Variants in DGKB observed in about 807,000 individuals in gnomAD.
DGKB encodes the protein 90 kDa diacylglycerol kinase.
DGKB carries 67 observed loss-of-function variants against 114.3 expected under a neutral mutation model. The observed-to-expected ratio is 0.59, with a 90% CI of 0.48 to 0.72. The LOEUF is 0.72. Among genes scored for constraint, DGKB ranks in the 30% least tolerant of loss-of-function variants. The pLI, the probability that DGKB is intolerant of heterozygous loss-of-function variation, is 0.00. For missense variants in DGKB, 907 were observed against 975.2 expected (o/e 0.93, Z 0.93); for synonymous variants, 398 against 323.1 (o/e 1.23, Z -2.49).
rs1043356915 is a variant in DGKB at position 14,788,490 on chromosome 7, C to A, written c.71-30759G>T. 1.3e-5 allele frequency among the ~76,000 whole-genome samples: 2 copies of A among 152,114 alleles called. 1 individual carries two copies. The highest frequency in any genetic ancestry group is 2.9e-5 in the Non-Finnish European group (2 of 68,018). ...GTGAGCATTCCTATCAAACACAAAC[C>A]AATGAATCCAGTCTACACTCCAACA... On this transcript the variant is annotated intron_variant, in intron 2 of 25. Coordinates refer to ENST00000402815, the MANE Select transcript of DGKB (RefSeq NM_001350709.2).
In DGKB at chr7:14,890,906, T is replaced by C. The variant is rs190128602; in HGVS notation, c.-188+11686A>G. Reference sequence around the variant, plus strand: ...AAAAATCCCTAAATCTAACTTACGCTTCTGAAATTGATTAAAGAAAGCTCC... The same window carrying C: ...AAAAATCCCTAAATCTAACTTACGCCTCTGAAATTGATTAAAGAAAGCTCC... On this transcript the variant is annotated intron_variant, in intron 1 of 25. Transcript: ENST00000402815. Among the ~76,000 whole-genome samples the C allele has an allele frequency of 4.4e-3, 670 of 151,246 alleles. 3 individuals are homozygous for C. Among genetic ancestry groups the C allele is most frequent in the Admixed American group, 7.3e-3 (111 of 15,114 alleles).
At chr7:14,867,218 T>C (rs1851823455) in intron 1 of DGKB, among the ~76,000 whole-genome samples, 2 of 152,186 alleles carry the variant, frequency 1.3e-5, no homozygotes, top group Admixed American at 1.3e-4. Flanking sequence ...CAGAAGTTTT[T>C]CTTATAATTT....
intron 25 of DGKB, among the ~76,000 whole-genome samples, chr7:14,169,238 G>A (rs1257718892): frequency 4.0e-5 from 6 of 151,408 alleles, no homozygotes; most frequent in African/African-American, 9.7e-5. Flanking sequence ...GGTGGCGGGC[G>A]CCTGTAGTCC....
chr7:14,290,711 C>A (rs1385259552), intron 23 of DGKB, among the ~76,000 whole-genome samples: 1 of 152,104 alleles, frequency 6.6e-6, no homozygotes, highest in Admixed American at 6.6e-5. Context: ...TGAATGTCAA[C>A]AGGTCATACA....
chr7:14,504,697 T>C (rs1165093223), intron 20 of DGKB, among the ~76,000 whole-genome samples: 2 of 152,210 alleles, frequency 1.3e-5, no homozygotes, highest in Admixed American at 1.3e-4. Flanking sequence ...AATCAGAAAG[T>C]ACTATTTTTC....
chr7:14,600,217 C>G (rs974959096), intron 17 of DGKB, among the ~76,000 whole-genome samples: 1 of 152,094 alleles, frequency 6.6e-6, no homozygotes, highest in Non-Finnish European at 1.5e-5. Context: ...AGCTAGTTCC[C>G]TTGAGCCATT....
At chr7:14,683,319 A>G (rs1370301421) in intron 10 of DGKB, among the ~76,000 whole-genome samples, 1 of 152,152 alleles carries the variant, frequency 6.6e-6, no homozygotes, top group Non-Finnish European at 1.5e-5. Context: ...CTATTTCCAG[A>G]GAAGAGATTT....
intron 23 of DGKB, among the ~76,000 whole-genome samples, chr7:14,313,075 A>G (rs1805679814): frequency 6.6e-6 from 1 of 152,240 alleles, no homozygotes; most frequent in Non-Finnish European, 1.5e-5. Flanking sequence ...AAATTGATTG[A>G]TGTTTCTATA....
In DGKB at chr7:14,216,099, A is replaced by G. The variant is rs1428349640; in HGVS notation, c.2123-37948T>C. 2.6e-5 allele frequency among the ~76,000 whole-genome samples: 4 copies of G among 152,194 alleles called. No homozygotes were observed. In the East Asian group the frequency reaches 5.8e-4, roughly 22 times the overall value. ...GGCCTAATGAGTATAACAAATTTAAAACAAAAATGAAGATATACGATTGTA... is the reference window on the plus strand; with the variant it reads ...GGCCTAATGAGTATAACAAATTTAAGACAAAAATGAAGATATACGATTGTA... On this transcript the variant is annotated intron_variant, in intron 23 of 25. Transcript: ENST00000402815.
Position 14,943,701 on chromosome 7 carries a change from C to T in DGKB, c.-188+30995G>A, listed in dbSNP as rs148461746. 2.8e-3 allele frequency among the ~76,000 whole-genome samples: 424 copies of T among 151,498 alleles called. 8 individuals carry two copies. The highest frequency in any genetic ancestry group is 9.0e-4 in the Non-Finnish European group (61 of 67,774). ...GTAGCTACTCAGAAGAGACAAGAGCCGATCATTAAATTTTCAAGAATTTTG... is the reference window on the plus strand; with the variant it reads ...GTAGCTACTCAGAAGAGACAAGAGCTGATCATTAAATTTTCAAGAATTTTG... On this transcript the variant is annotated intron_variant, in intron 1 of 4. Transcript: ENST00000437998.
chr7:14,916,029 TG>T (rs1784222091), intron 1 of DGKB, among the ~76,000 whole-genome samples: 1 of 152,022 alleles, frequency 6.6e-6, no homozygotes, highest in South Asian at 2.1e-4. Context: ...ATAAGTAAGA[TG>T]GATGACAACA....
chr7:14,461,627 A>G (rs1347153914), intron 21 of DGKB, among the ~76,000 whole-genome samples: 2 of 152,094 alleles, frequency 1.3e-5, no homozygotes, highest in African/African-American at 4.8e-5. Context: ...CTACAAACCA[A>G]AAAAAAGCCT....
chr7:14,918,831 G>A (rs1479456207), intron 1 of DGKB, among the ~76,000 whole-genome samples: 1 of 151,994 alleles, frequency 6.6e-6, no homozygotes, highest in African/African-American at 2.4e-5. Context: ...TTGGGAGGCC[G>A]AGGGGGGCGG....
chr7:14,539,415 A>T (rs1354889091), intron 20 of DGKB, among the ~76,000 whole-genome samples: 1 of 152,166 alleles, frequency 6.6e-6, no homozygotes, highest in African/African-American at 2.4e-5. Context: ...AAGATGAATA[A>T]AGCTTAATCA....
At chr7:14,946,728 T>C (rs1410305368) in intron 1 of DGKB, among the ~76,000 whole-genome samples, 2 of 151,758 alleles carry the variant, frequency 1.3e-5, no homozygotes, top group African/African-American at 4.8e-5. Context: ...GAATAGAAAC[T>C]GGAAAGCCTC....
At position 14,694,083 on chromosome 7, in the gene DGKB, A is replaced by T. The variant is rs1438125805; in HGVS notation, c.703T>A (p.Leu235Ile). Residue 235 changes from leucine to isoleucine, a missense_variant, in exon 9 of 26, where the codon TTA becomes ATA. Transcript: ENST00000402815. ...TCTGTGGAAATGCTTACATTTTCTA[A>T]GCCCAGGAGCACAAGAAGTGGAATC... ...TTIPLLVLLG[L>I]ENNVKDDGQH... The T allele has an allele frequency of 1.3e-6, 2 of 1,586,368 alleles. No individual in the cohort carries two copies. The highest frequency in any genetic ancestry group is 1.8e-5 in the Admixed American group (1 of 56,262).
intron 5 of DGKB, among the ~76,000 whole-genome samples, chr7:14,725,442 A>G (rs1829876209): frequency 6.6e-6 from 1 of 152,200 alleles, no homozygotes; most frequent in Non-Finnish European, 1.5e-5. Flanking sequence ...AGAGCCCATG[A>G]TGCCAAATTT....
In DGKB at chr7:14,801,576, G is replaced by A. The variant is rs566932511; in HGVS notation, c.70+39618C>T. 2.0e-5 allele frequency among the ~76,000 whole-genome samples: 3 copies of A among 152,204 alleles called. No homozygotes were observed. In the East Asian group the frequency reaches 5.8e-4, roughly 29 times the overall value. ...ATAGAACAAAAGGTGTAGGATGGAA[G>A]AATTTGTCCCTTTTTTTTCTGCCTG... On this transcript the variant is annotated intron_variant, in intron 2 of 25. Coordinates refer to ENST00000402815, the MANE Select transcript of DGKB (RefSeq NM_001350709.2).
chr7:14,761,208 C>T (rs930332623), intron 2 of DGKB, among the ~76,000 whole-genome samples: 1 of 152,096 alleles, frequency 6.6e-6, no homozygotes, highest in Non-Finnish European at 1.5e-5. Context: ...TTCTTGGGCC[C>T]AGTTTCTCTA....
Sources: allele counts gnomAD v4.1 joint callset (sites outside exome capture counted in the v4.1 genomes callset), GRCh38; gene constraint gnomAD v4.1.1; transcripts MANE v1.5; gene names NCBI Gene and HGNC (gene_info 2026-07-23, HGNC 2026-07-21).